Variants in POU6F2 observed in about 807,000 individuals in gnomAD.
POU6F2 encodes the protein POU domain, class 6, transcription factor 2.
POU6F2 carries 31 observed loss-of-function variants against 71.3 expected under a neutral mutation model. The ratio of observed to expected loss-of-function variants is 0.43; its 90% CI spans 0.33 to 0.59. The LOEUF (loss-of-function observed/expected upper bound fraction) is 0.59, where lower values mean the gene tolerates loss of function less well. POU6F2 is among the 20% of genes least tolerant of loss of function. The pLI is 0.04. For missense variants in POU6F2, 783 were observed against 856.8 expected, an observed-to-expected ratio of 0.91 and a Z score of 1.07; for synonymous variants, 347 against 355.7, an observed-to-expected ratio of 0.98 and a Z score of 0.27.
chr7:39,373,347 G>A (rs1786650035), intron 5 of POU6F2: 1 of 434,758 alleles, frequency 2.3e-6, no homozygotes, highest in Non-Finnish European at 4.6e-6. Flanking sequence ...AAGATCGACT[G>A]ATTGACCTAC....
chr7:39,248,195 G>T (rs767915842), intron 4 of POU6F2, among the ~76,000 whole-genome samples: 3 of 152,068 alleles, frequency 2.0e-5, no homozygotes, highest in Non-Finnish European at 4.4e-5. Flanking sequence ...TTTAAGTGCC[G>T]TAAAGATATT....
chr7:39,257,581 C>A (rs935147540), intron 4 of POU6F2, among the ~76,000 whole-genome samples: 7 of 152,200 alleles, frequency 4.6e-5, no homozygotes, highest in Admixed American at 3.9e-4. Context: ...GGCACAAACT[C>A]GTGCTCCATA....
chr7:39,250,165 C>T (rs915117764), intron 4 of POU6F2, among the ~76,000 whole-genome samples: 9 of 152,188 alleles, frequency 5.9e-5, no homozygotes, highest in African/African-American at 2.2e-4. Context: ...CAGAAAACCC[C>T]TGCAACCCAC....
At chr7:39,397,469 T>TAGAG (rs139981093) in intron 5 of POU6F2, among the ~76,000 whole-genome samples, 5,954 of 132,534 alleles carry the variant, frequency 0.045, 184 homozygotes, top group African/African-American at 0.066. Flanking sequence ...TATATAGACA[T>TAGAG]AGAGAGAGAC....
intron 4 of POU6F2, among the ~76,000 whole-genome samples, chr7:39,320,384 T>C (rs1050250279): frequency 2.6e-5 from 4 of 152,192 alleles, no homozygotes; most frequent in African/African-American, 9.7e-5. Context: ...TAGGTGTCTC[T>C]GGATGAACTT....
intron 5 of POU6F2, among the ~76,000 whole-genome samples, chr7:39,402,405 A>AT (rs74446234): frequency 0.091 from 13,427 of 148,002 alleles, 633 homozygotes; most frequent in African/African-American, 0.13. Context: ...TCCTAAAGGA[A>AT]TTTTTTTTTT....
intron 4 of POU6F2, among the ~76,000 whole-genome samples, chr7:39,222,377 C>T (rs1381455446): frequency 6.6e-6 from 1 of 152,208 alleles, no homozygotes; most frequent in Non-Finnish European, 1.5e-5. Flanking sequence ...AGAGAAGAGA[C>T]TTTCCATGGC....
intron 1 of POU6F2, among the ~76,000 whole-genome samples, chr7:39,015,871 A>AT (rs1789498760): frequency 4.5e-5 from 3 of 65,994 alleles, no homozygotes; most frequent in African/African-American, 6.1e-5. Flanking sequence ...AATATATTAT[A>AT]TATAGATATA....
At chr7:39,084,150 T>A (rs2128720526) in intron 1 of POU6F2, among the ~76,000 whole-genome samples, 1 of 152,292 alleles carries the variant, frequency 6.6e-6, no homozygotes, top group African/African-American at 2.4e-5. Context: ...ATTTATCCTG[T>A]TTTGTTAGAT....
intron 4 of POU6F2, among the ~76,000 whole-genome samples, chr7:39,286,300 G>T (rs1784648949): frequency 6.6e-6 from 1 of 152,164 alleles, no homozygotes; most frequent in East Asian, 1.9e-4. Flanking sequence ...CAGGATGGCT[G>T]GGGTACACAC....
rs1333997336 is a variant in POU6F2, at chr7:39,101,123, G to A, written c.277+15092G>A. Among the ~76,000 whole-genome samples, 9 of 149,462 alleles carry A rather than the reference G, an allele frequency of 6.0e-5. No homozygotes were observed. In the South Asian group the frequency reaches 6.3e-4, roughly 11 times the overall value. Reference sequence around the variant, plus strand: ...AGTTTTGCTCCTGTCACCCAGGCTGGAGTGCAATGGCGCAACCTTGGTTCA... The same window carrying A: ...AGTTTTGCTCCTGTCACCCAGGCTGAAGTGCAATGGCGCAACCTTGGTTCA... On this transcript the variant is annotated intron_variant, in intron 2 of 9. Coordinates refer to ENST00000518318, the MANE Select transcript of POU6F2 (RefSeq NM_001370959.1).
At chr7:39,011,457 T>A (rs1370921892) in intron 1 of POU6F2, among the ~76,000 whole-genome samples, 5 of 146,374 alleles carry the variant, frequency 3.4e-5, no homozygotes, top group Non-Finnish European at 4.6e-5. Flanking sequence ...AGCACACTGA[T>A]GGGTCTTGAC....
chr7:39,225,542 A>G (rs1485205555), intron 4 of POU6F2, among the ~76,000 whole-genome samples: 1 of 152,214 alleles, frequency 6.6e-6, no homozygotes, highest in Non-Finnish European at 1.5e-5. Flanking sequence ...TTCTGTCTGA[A>G]TATTTCTGAA....
chr7:39,454,519 G>A (rs78780312), intron 8 of POU6F2, among the ~76,000 whole-genome samples: 1,575 of 150,828 alleles, frequency 0.01, 29 homozygotes, highest in African/African-American at 0.036. Context: ...CATTCCAAAG[G>A]ATTTAGGAAC....
chr7:39,339,073 T>C (rs1162814090), intron 4 of POU6F2, among the ~76,000 whole-genome samples: 1 of 107,164 alleles, frequency 9.3e-6, no homozygotes, highest in Non-Finnish European at 2.0e-5. Flanking sequence ...TGTACTGCTT[T>C]TGAATTTTTA....
chr7:39,296,584 C>G (rs867072730), intron 4 of POU6F2, among the ~76,000 whole-genome samples: 4 of 152,188 alleles, frequency 2.6e-5, no homozygotes, highest in Admixed American at 2.0e-4. Flanking sequence ...CCCCAGGTCT[C>G]CTGACTCCCT....
chr7:38,987,763 T>C (rs1788497768), intron 1 of POU6F2, among the ~76,000 whole-genome samples: 1 of 152,148 alleles, frequency 6.6e-6, no homozygotes, highest in African/African-American at 2.4e-5. Flanking sequence ...TCTCTTTAAT[T>C]ACGTCACCTC....
Position 39,464,728 on chromosome 7 carries a change from T to G in POU6F2, c.*42T>G, listed in dbSNP as rs138603140. The stretch of plus-strand genomic sequence containing the variant: ...AATCAGAAGCAAAATTCACAGAAAC[T>G]AAACTCCACCCTTGGGACTCCACAA... On this transcript the variant is annotated 3_prime_UTR_variant, in exon 10 of 10. Coordinates refer to ENST00000518318, the MANE Select transcript of POU6F2 (RefSeq NM_001370959.1). The surrounding 1 kb of genome is among the most constrained non-coding windows in gnomAD (Gnocchi z 4.1). 5.3e-4 allele frequency: 818 copies of G among 1,547,334 alleles called. 5 individuals are homozygous for G. In the African/African-American group the frequency reaches 0.01, roughly 19 times the overall value.
intron 4 of POU6F2, among the ~76,000 whole-genome samples, chr7:39,251,825 G>A (rs556799673): frequency 1.1e-3 from 168 of 152,282 alleles, no homozygotes; most frequent in Non-Finnish European, 2.0e-3. Flanking sequence ...GGGCACAGAC[G>A]TGTTGCAGGG....
Sources: allele counts gnomAD v4.1 joint callset (sites outside exome capture counted in the v4.1 genomes callset), GRCh38; gene constraint gnomAD v4.1.1; non-coding constraint Gnocchi (gnomAD v3.1); transcripts MANE v1.5; gene names NCBI Gene and HGNC (gene_info 2026-07-23, HGNC 2026-07-21).